CETP: variants seen among roughly 807,000 people sequenced by gnomAD.
CETP encodes BPI fold containing family F.
A neutral mutation model predicts 66.5 loss-of-function variants in CETP; 56 were observed. That is an observed-to-expected ratio of 0.84 (90% CI 0.68 to 1.05). CETP has a LOEUF of 1.05. CETP is among the 50% of genes least tolerant of loss of function. CETP has a pLI of 0.00. For synonymous variants in CETP, 251 were observed against 245.7 expected, an observed-to-expected ratio of 1.02 and a Z score of -0.20; for missense variants, 612 against 609.6, an observed-to-expected ratio of 1.00 and a Z score of -0.04.
At chr16:56,976,404 G>A (rs1354986322) in intron 10 of CETP, among the ~76,000 whole-genome samples, 4 of 151,748 alleles carry the variant, frequency 2.6e-5, no homozygotes, top group African/African-American at 7.3e-5. Flanking sequence ...CCCACCCAGC[G>A]TAATTGTAAC....
intron 8 of CETP, 36 bp from the exon 9 acceptor site, chr16:56,973,295 C>A (rs1449716077): frequency 2.5e-6 from 4 of 1,611,528 alleles, no homozygotes; most frequent in Non-Finnish European, 3.4e-6. Context: ...CCAGTAGGGA[C>A]ACACAGGGTC....
At chr16:56,962,625 G>C (rs1347077371) in intron 1 of CETP, among the ~76,000 whole-genome samples, 2 of 152,156 alleles carry the variant, frequency 1.3e-5, no homozygotes, top group African/African-American at 4.8e-5. Flanking sequence ...TTCTAAAATA[G>C]AGTATCGCCA....
chr16:56,969,443 G>A lies in CETP; in HGVS notation c.291G>A (p.Lys97=), dbSNP rs368101204. Residue 97 remains lysine, a synonymous_variant, in exon 3 of 16, where the codon AAG becomes AAA. Coordinates refer to ENST00000200676, the MANE Select transcript of CETP (RefSeq NM_000078.3). Reference sequence around the variant, plus strand: ...GCCAGGTGGAGCTGGTGGAAGCCAAGTCCATTGATGTCTCCATTCAGAACG... The same window carrying A: ...GCCAGGTGGAGCTGGTGGAAGCCAAATCCATTGATGTCTCCATTCAGAACG... ...ASSQVELVEA[K]SIDVSIQNVS... is the part of the protein sequence containing the mutation. 3.1e-6 allele frequency: 5 copies of A among 1,614,192 alleles called. No homozygotes were observed. The highest frequency in any genetic ancestry group is 4.2e-6 in the Non-Finnish European group (5 of 1,180,042).
intron 11 of CETP, among the ~76,000 whole-genome samples, chr16:56,980,760 A>G (rs181790533): frequency 6.6e-6 from 1 of 152,170 alleles, no homozygotes; most frequent in East Asian, 1.9e-4. Flanking sequence ...CATCTCTACT[A>G]AAAATACAAA....
In CETP at chr16:56,975,194, C is replaced by G. The variant is rs752814120; in HGVS notation, c.981+43C>G. 7 of 1,580,252 alleles carry G rather than the reference C, an allele frequency of 4.4e-6. No individual in the cohort carries two copies. In the African/African-American group the frequency reaches 6.7e-5, roughly 15 times the overall value. ...CTGTGTGGGGTTTATCTCACGTACC[C>G]CAATCCTGCTCTGGCTTCAAGAGCC... On this transcript the variant is annotated intron_variant, in intron 10 of 15. Transcript: ENST00000200676.
chr16:56,971,854 TC>T, intron 7 of CETP, 137 bp from the exon 8 acceptor site: 1 of 769,458 alleles, frequency 1.3e-6, no homozygotes, highest in Non-Finnish European at 2.3e-6. Context: ...GCCACACCCC[TC>T]CCCGCACACC....
Position 56,971,025 on chromosome 16 carries a change from G to A in CETP, c.528-8G>A. The A allele has an allele frequency of 6.2e-7, 1 of 1,614,106 alleles. No individual in the cohort carries two copies. Among genetic ancestry groups the A allele is most frequent in the Admixed American group, 1.7e-5 (1 of 60,030 alleles). On this transcript the variant is annotated splice_region_variant and splice_polypyrimidine_tract_variant and intron_variant, in intron 5 of 15. Coordinates refer to ENST00000200676, the MANE Select transcript of CETP (RefSeq NM_000078.3). Reference sequence around the variant, plus strand: ...TCAGGGGCTCATTGTGGTGCTTGCTGCCTTCAGGCCTGGGTGGATCAAGCA... The same window carrying A: ...TCAGGGGCTCATTGTGGTGCTTGCTACCTTCAGGCCTGGGTGGATCAAGCA...
At chr16:56,963,167 C>G in intron 2 of CETP, 43 bp downstream of exon 2, 3 of 1,491,714 alleles carry the variant, frequency 2.0e-6, no homozygotes, top group African/African-American at 2.8e-5. Context: ...GGTAGGGAGG[C>G]GGGAGGAACA....
intron 1 of CETP, 123 bp downstream of exon 1, chr16:56,962,220 G>C (rs1257688981): frequency 1.2e-6 from 1 of 858,612 alleles, no homozygotes; most frequent in Non-Finnish European, 2.0e-6. Flanking sequence ...AGAGAGAGGA[G>C]TGCCCTGGGA....
At chr16:56,977,374 C>A (rs367643217) in intron 10 of CETP, among the ~76,000 whole-genome samples, 20 of 152,144 alleles carry the variant, frequency 1.3e-4, no homozygotes, top group African/African-American at 4.6e-4. Flanking sequence ...TGGCTGCCTG[C>A]GCATTCCTTA....
chr16:56,979,465 A>G (rs2056172454), intron 11 of CETP, among the ~76,000 whole-genome samples: 1 of 152,226 alleles, frequency 6.6e-6, no homozygotes, highest in African/African-American at 2.4e-5. Flanking sequence ...TATAATTACA[A>G]ATAAGGAATT....
chr16:56,965,304 A>G (rs576208818), intron 2 of CETP, among the ~76,000 whole-genome samples: 3 of 152,378 alleles, frequency 2.0e-5, no homozygotes, highest in Non-Finnish European at 4.4e-5. Flanking sequence ...ATGATTGGCC[A>G]TAACTATGAT....
chr16:56,981,727 C>A, intron 13 of CETP, 47 bp downstream of exon 13: 2 of 1,601,860 alleles, frequency 1.2e-6, no homozygotes, highest in Non-Finnish European at 1.7e-6. Context: ...TGTGGGACCT[C>A]CTGCCTTAAA....
intron 2 of CETP, among the ~76,000 whole-genome samples, chr16:56,968,809 C>T (rs908214030): frequency 2.6e-5 from 4 of 150,952 alleles, no homozygotes; most frequent in East Asian, 1.9e-4. Flanking sequence ...TTGTTTTCAC[C>T]GATTGTTGTT....
At chr16:56,964,131 G>A (rs1010173516) in intron 2 of CETP, among the ~76,000 whole-genome samples, 2 of 151,362 alleles carry the variant, frequency 1.3e-5, no homozygotes, top group Non-Finnish European at 2.9e-5. Context: ...GGTTCAAGAC[G>A]TTCTCCTGCC....
In CETP at chr16:56,983,718, C is replaced by A; in HGVS notation, c.*52C>A. ...CTTGTAGCAGAAGGCAAGCACCAGG[C>A]TCACAGCTGGAACCCTGGTGTCTCC... On this transcript the variant is annotated 3_prime_UTR_variant, in exon 16 of 16. Coordinates refer to ENST00000200676, the MANE Select transcript of CETP (RefSeq NM_000078.3). The A allele has an allele frequency of 6.5e-7, 1 of 1,538,756 alleles. No homozygotes were observed. Among genetic ancestry groups the A allele is most frequent in the Non-Finnish European group, 9.0e-7 (1 of 1,111,406 alleles).
At chr16:56,977,033 C>T (rs1458693664) in intron 10 of CETP, among the ~76,000 whole-genome samples, 1 of 152,044 alleles carries the variant, frequency 6.6e-6, no homozygotes, top group Non-Finnish European at 1.5e-5. Context: ...CTCAGCCTCC[C>T]GATTGGCTGG....
intron 11 of CETP, 67 bp downstream of exon 11, chr16:56,978,322 G>C (rs1446085814): frequency 6.3e-6 from 10 of 1,596,044 alleles, no homozygotes; most frequent in Non-Finnish European, 8.6e-6. Flanking sequence ...CAGAGGGCAG[G>C]GGCCTGGGGG....
At chr16:56,971,740 A>T (rs540349821) in intron 7 of CETP, among the ~76,000 whole-genome samples, 8 of 152,314 alleles carry the variant, frequency 5.3e-5, no homozygotes, top group Admixed American at 3.3e-4. Flanking sequence ...TACAGAGCAG[A>T]GCTGGGTTTC....
Sources: allele counts gnomAD v4.1 joint callset (sites outside exome capture counted in the v4.1 genomes callset), GRCh38; gene constraint gnomAD v4.1.1; transcripts MANE v1.5; gene names NCBI Gene and HGNC (gene_info 2026-07-23, HGNC 2026-07-21).